STS: variants seen among roughly 807,000 people sequenced by gnomAD.
The protein encoded by STS is steroid sulfatase, also known as steryl-sulfatase.
Under a neutral mutation model 26.8 loss-of-function variants are expected in STS, and 7 were observed. The observed-to-expected ratio is 0.26, with a 90% confidence interval of 0.15 to 0.49. STS has a LOEUF of 0.49. Ranked by LOEUF, STS falls within the 20% of genes least tolerant of loss-of-function variation. The probability of loss-of-function intolerance (pLI) is 0.98; values close to 1 mark genes in which losing one functional copy is unlikely to be tolerated. For synonymous variants in STS, 199 were observed against 189.4 expected, an observed-to-expected ratio of 1.05 and a Z score of -0.42; for missense variants, 434 against 465.6, an observed-to-expected ratio of 0.93 and a Z score of 0.63.
At chrX:7,239,859 T>C (rs1922504840) in intron 2 of STS, among the ~76,000 whole-genome samples, 1 of 103,826 alleles carries the variant, frequency 9.6e-6, no homozygotes, top group Admixed American at 1.1e-4. Context: ...TAATAATTTA[T>C]ATACAGTGGG....
intron 1 of STS, among the ~76,000 whole-genome samples, chrX:7,167,173 C>T (rs1159029592): frequency 9.9e-5 from 11 of 111,049 alleles, no homozygotes; most frequent in African/African-American, 3.6e-4. Context: ...AGCGTGGGGT[C>T]CTCTTTCAAG....
chrX:7,230,758 T>G (rs1166361590), intron 2 of STS, among the ~76,000 whole-genome samples: 1 of 111,298 alleles, frequency 9.0e-6, no homozygotes, highest in Non-Finnish European at 1.9e-5. Flanking sequence ...TGGGGGAAAC[T>G]GCCCTTATGA....
At chrX:7,213,350 T>A (rs773060334) in intron 2 of STS, among the ~76,000 whole-genome samples, 5 of 111,979 alleles carry the variant, frequency 4.5e-5, no homozygotes, top group Non-Finnish European at 7.5e-5. Flanking sequence ...GGAGAACATC[T>A]GCAGGCTACC....
At chrX:7,205,880 T>C (rs1244352457) in intron 2 of STS, among the ~76,000 whole-genome samples, 1 of 109,329 alleles carries the variant, frequency 9.1e-6, no homozygotes, top group East Asian at 2.9e-4. Context: ...CCTCACAACA[T>C]GCTGGGATTA....
intron 2 of STS, among the ~76,000 whole-genome samples, chrX:7,245,029 A>G (rs1217014424): frequency 8.9e-6 from 1 of 112,059 alleles, no homozygotes; most frequent in Non-Finnish European, 1.9e-5. Flanking sequence ...AATGAAGTAG[A>G]GATGCAGAAC....
chrX:7,256,089 G>T (rs1448696741), intron 3 of STS, among the ~76,000 whole-genome samples: 1 of 112,037 alleles, frequency 8.9e-6, no homozygotes, highest in Non-Finnish European at 1.9e-5. Context: ...GGGCACTGGA[G>T]GCCCATGAGA....
At chrX:7,249,085 A>C (rs1923021265) in intron 2 of STS, among the ~76,000 whole-genome samples, 1 of 110,605 alleles carries the variant, frequency 9.0e-6, no homozygotes, top group African/African-American at 3.3e-5. Context: ...TCAGATAAAA[A>C]AGCCTTTTGG....
chrX:7,227,663 A>C (rs145548340), intron 2 of STS, among the ~76,000 whole-genome samples: 1 of 111,442 alleles, frequency 9.0e-6, no homozygotes, highest in Non-Finnish European at 1.9e-5. Flanking sequence ...CGGTGACCTT[A>C]GTATTTGCCA....
At chrX:7,172,114 AT>A (rs1381225181) in intron 1 of STS, among the ~76,000 whole-genome samples, 3 of 111,354 alleles carry the variant, frequency 2.7e-5, no homozygotes, top group African/African-American at 9.8e-5. Flanking sequence ...AGGAAGTCAC[AT>A]TTTTCTGGGC....
chrX:7,175,270 G>A (rs1470133140), intron 1 of STS, among the ~76,000 whole-genome samples: 3 of 107,277 alleles, frequency 2.8e-5, no homozygotes, highest in Admixed American at 1.0e-4. Flanking sequence ...AGGATCCCTT[G>A]AGCCCAGGAG....
chrX:7,326,919 C>T (rs931375786), intron 9 of STS, among the ~76,000 whole-genome samples: 1 of 111,804 alleles, frequency 8.9e-6, no homozygotes, highest in African/African-American at 3.3e-5. Flanking sequence ...CCTCAACACA[C>T]ACACAGACAC....
At chrX:7,320,109 A>G (rs1395011285) in intron 8 of STS, among the ~76,000 whole-genome samples, 1 of 92,166 alleles carries the variant, frequency 1.1e-5, no homozygotes, top group Non-Finnish European at 2.1e-5. Flanking sequence ...TTTGTATTTT[A>G]TATAAGTATT....
intron 2 of STS, among the ~76,000 whole-genome samples, 165 bp downstream of exon 2, chrX:7,191,173 G>A (rs1460805395): frequency 3.7e-5 from 4 of 109,039 alleles, no homozygotes; most frequent in Non-Finnish European, 7.7e-5. Context: ...TGCTATTGCA[G>A]CTATCTTTCA....
chrX:7,151,002 A>G (rs1449487698), intron 1 of STS, among the ~76,000 whole-genome samples: 1 of 112,589 alleles, frequency 8.9e-6, no homozygotes, highest in Non-Finnish European at 1.9e-5. Flanking sequence ...TTTAAGACAC[A>G]ATAGAAATGA....
chrX:7,292,484 C>T (rs1450537967), intron 7 of STS, among the ~76,000 whole-genome samples: 1 of 112,333 alleles, frequency 8.9e-6, no homozygotes, highest in African/African-American at 3.2e-5. Context: ...TATACATCCA[C>T]ATTCATATGG....
At chrX:7,274,939 A>G (rs1000278872) in intron 6 of STS, among the ~76,000 whole-genome samples, 2 of 112,027 alleles carry the variant, frequency 1.8e-5, no homozygotes, top group African/African-American at 6.5e-5. Context: ...AAGGTACACA[A>G]TGGAATACTA....
chrX:7,307,333 T>C (rs1463024868), intron 8 of STS, among the ~76,000 whole-genome samples: 1 of 111,508 alleles, frequency 9.0e-6, no homozygotes, highest in Non-Finnish European at 1.9e-5. Context: ...ATTCCTAATA[T>C]ATGAAGACTT....
At chrX:7,345,152 G>A (rs1346029202) in intron 10 of STS, among the ~76,000 whole-genome samples, 2 of 111,178 alleles carry the variant, frequency 1.8e-5, no homozygotes, top group Admixed American at 1.9e-4. Context: ...GGACCAAACC[G>A]AGGGTAGGAC....
intron 1 of STS, among the ~76,000 whole-genome samples, chrX:7,150,137 A>G (rs1409091740): frequency 8.9e-6 from 1 of 112,245 alleles, no homozygotes; most frequent in African/African-American, 3.2e-5. Flanking sequence ...GGATGCACAC[A>G]TGTCAGAGTT....
Sources: allele counts gnomAD v4.1 joint callset (sites outside exome capture counted in the v4.1 genomes callset), GRCh38; gene constraint gnomAD v4.1.1; transcripts MANE v1.5; gene names NCBI Gene and HGNC (gene_info 2026-07-23, HGNC 2026-07-21).